Variants in CUEDC1 observed in about 807,000 individuals in gnomAD.
The protein encoded by CUEDC1 is CUE domain containing 1.
A neutral mutation model predicts 43.7 loss-of-function variants in CUEDC1; 30 were observed. The ratio of observed to expected loss-of-function variants is 0.69; its 90% confidence interval spans 0.51 to 0.93. The LOEUF (loss-of-function observed/expected upper bound fraction) is 0.93. CUEDC1 is among the 40% of genes least tolerant of loss of function. CUEDC1 has a pLI of 0.00. For missense variants in CUEDC1, 486 were observed against 549.0 expected (o/e 0.89, Z 1.15); for synonymous variants, 223 against 223.6 (o/e 1.00, Z 0.02).
intron 1 of CUEDC1, among the ~76,000 whole-genome samples, chr17:57,910,070 C>T (rs2074567711): frequency 6.6e-6 from 1 of 152,146 alleles, no homozygotes; most frequent in South Asian, 2.1e-4. Context: ...CTCACTGCAG[C>T]CTCAAACTCC....
At position 57,872,872 on chromosome 17, in the gene CUEDC1, G is replaced by C; in HGVS notation, c.592-17C>G. On this transcript the variant is annotated splice_polypyrimidine_tract_variant and intron_variant, in intron 4 of 10. Transcript: ENST00000577830. ...AGCGTTACCCTGAGGAGGGAAGCGAGCATGTTGAATGTGTACACACAAGGG... is the reference window on the plus strand; with the variant it reads ...AGCGTTACCCTGAGGAGGGAAGCGACCATGTTGAATGTGTACACACAAGGG... 1 of 1,606,848 alleles carries C rather than the reference G, an allele frequency of 6.2e-7. No homozygotes were observed. Among genetic ancestry groups the C allele is most frequent in the Non-Finnish European group, 8.5e-7 (1 of 1,177,174 alleles).
At chr17:57,896,024 C>A (rs1415263957) in intron 1 of CUEDC1, among the ~76,000 whole-genome samples, 1 of 152,190 alleles carries the variant, frequency 6.6e-6, no homozygotes, top group Non-Finnish European at 1.5e-5. Flanking sequence ...GCAATCCATG[C>A]CCCACAATTT....
chr17:57,943,341 T>C (rs1158471759), intron 1 of CUEDC1, among the ~76,000 whole-genome samples: 1 of 152,192 alleles, frequency 6.6e-6, no homozygotes, highest in Non-Finnish European at 1.5e-5. Flanking sequence ...CTCCTTTCTT[T>C]CTTTTCCAGA....
chr17:57,929,929 G>A (rs2074787799), intron 1 of CUEDC1, among the ~76,000 whole-genome samples: 1 of 152,138 alleles, frequency 6.6e-6, no homozygotes, highest in Non-Finnish European at 1.5e-5. Flanking sequence ...AGCCTCCCGA[G>A]TAGCTGGGAT....
At chr17:57,898,696 C>T (rs1285836987) in intron 1 of CUEDC1, among the ~76,000 whole-genome samples, 1 of 152,158 alleles carries the variant, frequency 6.6e-6, no homozygotes, top group Admixed American at 6.5e-5. Context: ...TAGAGTCTGG[C>T]CCAGGCGTCT....
At chr17:57,902,295 T>A (rs1432640535) in intron 1 of CUEDC1, among the ~76,000 whole-genome samples, 1 of 151,844 alleles carries the variant, frequency 6.6e-6, no homozygotes, top group African/African-American at 2.4e-5. Context: ...CACCACTCAC[T>A]CCAGCCTGGG....
chr17:57,867,098 G>GA, intron 9 of CUEDC1: 5 of 562,192 alleles, frequency 8.9e-6, no homozygotes, highest in Middle Eastern at 4.7e-4. Context: ...ATATTCCCCA[G>GA]AAACAGTACC....
intron 1 of CUEDC1, among the ~76,000 whole-genome samples, chr17:57,938,204 C>T (rs982149171): frequency 3.9e-5 from 6 of 152,278 alleles, no homozygotes; most frequent in African/African-American, 9.6e-5. Context: ...GTGCCATATC[C>T]GGCCTAACAT....
chr17:57,899,001 C>T (rs1388184125), intron 1 of CUEDC1, among the ~76,000 whole-genome samples: 1 of 152,218 alleles, frequency 6.6e-6, no homozygotes, highest in Non-Finnish European at 1.5e-5. Context: ...AGCAGGAGCA[C>T]AGGCAGAGTG....
At chr17:57,868,329 G>T in intron 7 of CUEDC1, 86 bp from the exon 8 acceptor site, 1 of 1,192,258 alleles carries the variant, frequency 8.4e-7, no homozygotes, top group Non-Finnish European at 1.3e-6. Context: ...GGCCAGGGGA[G>T]GACCAAGGCC....
chr17:57,914,804 C>A (rs1014820410), intron 1 of CUEDC1, among the ~76,000 whole-genome samples: 1 of 152,214 alleles, frequency 6.6e-6, no homozygotes, highest in African/African-American at 2.4e-5. Flanking sequence ...GCCCACTAAT[C>A]CTGGGTGCAT....
rs995259647 is a variant in CUEDC1, at chr17:57,908,480, C to T, written c.-315-22601G>A. The stretch of plus-strand genomic sequence containing the variant: ...GGGGCACGGTTTCCTGAGGTTTAGC[C>T]ACATATCTCCAATCATGCAAGGGCT... On this transcript the variant is annotated intron_variant, in intron 1 of 10. Coordinates refer to ENST00000577830, the MANE Select transcript of CUEDC1 (RefSeq NM_001271875.2). Among the ~76,000 whole-genome samples the T allele has an allele frequency of 3.7e-4, 57 of 152,202 alleles. 2 individuals are homozygous for T. The highest frequency in any genetic ancestry group is 1.5e-5 in the Non-Finnish European group (1 of 68,034).
At chr17:57,895,283 G>A (rs2074397165) in intron 1 of CUEDC1, among the ~76,000 whole-genome samples, 1 of 152,206 alleles carries the variant, frequency 6.6e-6, no homozygotes, top group South Asian at 2.1e-4. Flanking sequence ...TTAACACTCT[G>A]TATCCATTGG....
In CUEDC1 at chr17:57,911,803, G is replaced by A. The variant is rs573049474; in HGVS notation, c.-315-25924C>T. 5.3e-5 allele frequency among the ~76,000 whole-genome samples: 8 copies of A among 152,246 alleles called. No homozygotes were observed. In the East Asian group the frequency reaches 9.7e-4, roughly 18 times the overall value. ...ATTACAGGCATGAGCCACCGTGCCC[G>A]TCCCTATCAGCTCTTAAGGGCAGAC... On this transcript the variant is annotated intron_variant, in intron 1 of 10. Coordinates refer to ENST00000577830, the MANE Select transcript of CUEDC1 (RefSeq NM_001271875.2).
chr17:57,928,569 C>T (rs994864034), intron 1 of CUEDC1, among the ~76,000 whole-genome samples: 1 of 146,214 alleles, frequency 6.8e-6, no homozygotes, highest in Non-Finnish European at 1.5e-5. Context: ...AAAAAAGAAC[C>T]TAGGGCTAAT....
At chr17:57,892,219 C>A (rs2074362811) in intron 1 of CUEDC1, among the ~76,000 whole-genome samples, 1 of 152,216 alleles carries the variant, frequency 6.6e-6, no homozygotes, top group Non-Finnish European at 1.5e-5. Context: ...GCGTTATTAT[C>A]TCACTTCACA....
rs531209427 is a variant in CUEDC1 at position 57,950,262 on chromosome 17, T to C, written c.-316+4963A>G. On this transcript the variant is annotated intron_variant, in intron 1 of 10. Coordinates refer to ENST00000577830, the MANE Select transcript of CUEDC1 (RefSeq NM_001271875.2). ...GCCTCCTGGGTTCAAGCGATTCTCCTGCCTCAGCTTCCCAAGTAGCTGGGA... is the reference window on the plus strand; with the variant it reads ...GCCTCCTGGGTTCAAGCGATTCTCCCGCCTCAGCTTCCCAAGTAGCTGGGA... Among the ~76,000 whole-genome samples, 48 of 152,024 alleles carry C rather than the reference T, an allele frequency of 3.2e-4. No individual in the cohort carries two copies. In the South Asian group the frequency reaches 9.3e-3, roughly 30 times the overall value.
At chr17:57,865,342 G>A (rs1473954948) in intron 10 of CUEDC1, among the ~76,000 whole-genome samples, 2 of 152,344 alleles carry the variant, frequency 1.3e-5, no homozygotes, top group South Asian at 2.1e-4. Flanking sequence ...TGGAGTGGGT[G>A]TGGGGGCCAG....
chr17:57,934,769 G>A lies in CUEDC1; in HGVS notation c.-316+20456C>T, dbSNP rs187875939. ...GTTGCCCAGGCTGGCATGCAGTGGC[G>A]TGATTTCGGCTCACTGCAGCCTCTA... On this transcript the variant is annotated intron_variant, in intron 1 of 10. Coordinates refer to ENST00000577830, the MANE Select transcript of CUEDC1 (RefSeq NM_001271875.2). 7.2e-5 allele frequency among the ~76,000 whole-genome samples: 11 copies of A among 152,192 alleles called. No homozygotes were observed. In the East Asian group the frequency reaches 1.7e-3, roughly 24 times the overall value.
Sources: gnomAD v4.1 joint callset for allele counts (sites outside exome capture counted in the v4.1 genomes callset) on GRCh38, gnomAD v4.1.1 for gene constraint, MANE v1.5 for transcripts, NCBI Gene and HGNC (gene_info 2026-07-23, HGNC 2026-07-21) for gene names.